The following DNMBP variants were observed in gnomAD, a reference collection of about 807,000 sequenced individuals.
DNMBP encodes the protein dynamin binding protein.
Under a neutral mutation model 150.0 loss-of-function variants are expected in DNMBP, and 87 were observed. The observed-to-expected ratio is 0.58, with a 90% CI of 0.49 to 0.69. The LOEUF (loss-of-function observed/expected upper bound fraction) is 0.69. Among genes scored for constraint, DNMBP ranks in the 30% least tolerant of loss-of-function variants. DNMBP has a pLI of 0.00. For synonymous variants in DNMBP, 711 were observed against 750.4 expected, an observed-to-expected ratio of 0.95 and a Z score of 0.86; for missense variants, 1,774 against 1,949.0, an observed-to-expected ratio of 0.91 and a Z score of 1.69.
intron 4 of DNMBP, chr10:99,913,921 T>G: frequency 7.7e-7 from 1 of 1,305,574 alleles, no homozygotes; most frequent in Non-Finnish European, 9.8e-7. Flanking sequence ...TTCCACTTCC[T>G]TCTGTGCTGG....
At chr10:99,890,386 T>C (rs764861183) in intron 11 of DNMBP, among the ~76,000 whole-genome samples, 3 of 152,220 alleles carry the variant, frequency 2.0e-5, no homozygotes, top group Non-Finnish European at 4.4e-5. Flanking sequence ...CAACATTTTC[T>C]CTCAATTTCT....
chr10:99,896,156 C>T (rs1009138656), intron 10 of DNMBP, 111 bp downstream of exon 10: 16 of 1,280,984 alleles, frequency 1.2e-5, no homozygotes, highest in Admixed American at 4.7e-5. Context: ...CTCGTAAAAC[C>T]GGAGGACGTC....
At chr10:99,958,459 A>T (rs1195432337) in intron 3 of DNMBP, 1 of 152,250 alleles carries the variant, frequency 6.6e-6, no homozygotes, top group Non-Finnish European at 1.5e-5. Context: ...TGCAAGAATG[A>T]ATAACAGACA....
chr10:100,004,186 AGTGAGCC>A (rs1426065817), intron 1 of DNMBP, among the ~76,000 whole-genome samples: 1 of 151,676 alleles, frequency 6.6e-6, no homozygotes, highest in Admixed American at 6.6e-5. Context: ...TTGAGGCTGC[AGTGAGCC>A]GTGATGGTGC....
At chr10:99,950,770 T>C (rs768063672) in intron 4 of DNMBP, among the ~76,000 whole-genome samples, 2 of 152,198 alleles carry the variant, frequency 1.3e-5, no homozygotes, top group Non-Finnish European at 2.9e-5. Context: ...TTGGGTGCTG[T>C]TAAAGGCATT....
intron 11 of DNMBP, among the ~76,000 whole-genome samples, chr10:99,892,768 A>T (rs1299527345): frequency 3.3e-5 from 5 of 151,298 alleles, no homozygotes; most frequent in Non-Finnish European, 7.4e-5. Context: ...AAAATAAATT[A>T]AAAAAAAATA....
At chr10:99,908,221 T>C (rs11190315) in intron 5 of DNMBP, 127 bp from the exon 6 acceptor site, 294,018 of 667,634 alleles carry the variant, frequency 0.44, 66,367 homozygotes, top group African/African-American at 0.48. Context: ...CTCACTTTCA[T>C]GAAGTTTCCA....
intron 11 of DNMBP, 60 bp downstream of exon 11, chr10:99,894,886 C>T (rs928664192): frequency 9.7e-5 from 125 of 1,292,016 alleles, no homozygotes; most frequent in Non-Finnish European, 1.2e-4. Flanking sequence ...GACTGATGAA[C>T]AGGAAAGGGG....
intron 4 of DNMBP, among the ~76,000 whole-genome samples, chr10:99,948,003 ATGT>A (rs1264543230): frequency 3.3e-5 from 5 of 152,196 alleles, no homozygotes; most frequent in Non-Finnish European, 7.3e-5. Context: ...TGTTTTTACG[ATGT>A]TGATGATAGG....
At chr10:99,898,868 T>A in intron 7 of DNMBP, 108 bp from the exon 8 acceptor site, 1 of 1,094,592 alleles carries the variant, frequency 9.1e-7, no homozygotes. Context: ...AAATTATGAA[T>A]GTTTATGGTA....
chr10:99,988,942 C>T (rs1003900042), intron 1 of DNMBP, among the ~76,000 whole-genome samples: 7 of 152,296 alleles, frequency 4.6e-5, no homozygotes, highest in Admixed American at 3.3e-4. Flanking sequence ...AGATTATGGG[C>T]GTGAGCCACT....
chr10:99,976,363 T>C (rs1380756766), intron 1 of DNMBP, among the ~76,000 whole-genome samples: 1 of 152,232 alleles, frequency 6.6e-6, no homozygotes, highest in Non-Finnish European at 1.5e-5. Context: ...ACTTACTCTT[T>C]GGCTGATGGG....
At chr10:100,008,393 C>A (rs2041098611) in intron 1 of DNMBP, among the ~76,000 whole-genome samples, 2 of 152,180 alleles carry the variant, frequency 1.3e-5, no homozygotes, top group African/African-American at 2.4e-5. Flanking sequence ...GTGCACTGCA[C>A]GAACCCCGTT....
intron 12 of DNMBP, 106 bp downstream of exon 12, chr10:99,888,719 T>G: frequency 7.5e-7 from 1 of 1,341,088 alleles, no homozygotes; most frequent in Non-Finnish European, 1.0e-6. Flanking sequence ...GGATGACTAA[T>G]ATGCCTGGTG....
chr10:99,900,843 T>G (rs2039728387), intron 6 of DNMBP, among the ~76,000 whole-genome samples: 1 of 152,114 alleles, frequency 6.6e-6, no homozygotes, highest in Non-Finnish European at 1.5e-5. Flanking sequence ...AGCAGCAGTT[T>G]CTAACATTTT....
Position 99,969,330 on chromosome 10 carries a change from A to T in DNMBP, c.146-93T>A, listed in dbSNP as rs1468338878. On this transcript the variant is annotated intron_variant, in intron 2 of 16. Transcript: ENST00000324109. ...AAAAACTTTTCTTCTGAGTCCATGT[A>T]TAGACCGTAACTTGAAAACTCAGGG... 3 of 1,331,248 alleles carry T rather than the reference A, an allele frequency of 2.3e-6. No homozygotes were observed. The African/African-American group carries it at 4.4e-5, about 20-fold the overall frequency. The allele number at this position is 1,331,248 out of a possible 1,614,324, so 82.5% of individuals were successfully genotyped here. A position where few individuals can be genotyped will look rare whatever the true frequency, so the allele number is the denominator to read the frequency against.
intron 1 of DNMBP, among the ~76,000 whole-genome samples, chr10:99,976,539 A>G (rs1305685438): frequency 1.3e-5 from 2 of 152,144 alleles, no homozygotes; most frequent in Non-Finnish European, 2.9e-5. Flanking sequence ...TCTGCTATGG[A>G]GGGGAGACCA....
intron 14 of DNMBP, 79 bp downstream of exon 14, chr10:99,885,608 A>G: frequency 7.8e-7 from 1 of 1,286,880 alleles, no homozygotes. Flanking sequence ...CAATAGTGGG[A>G]TCTGGGCCTG....
chr10:99,989,863 A>G, intron 1 of DNMBP, among the ~76,000 whole-genome samples: 1 of 140,208 alleles, frequency 7.1e-6, no homozygotes. Context: ...CCCCTCTTCT[A>G]TTAAACTGCC....
Sources: gnomAD v4.1 joint callset for allele counts (sites outside exome capture counted in the v4.1 genomes callset) on GRCh38, gnomAD v4.1.1 for gene constraint, MANE v1.5 for transcripts, NCBI Gene and HGNC (gene_info 2026-07-23, HGNC 2026-07-21) for gene names.